Variants in KLHL17 observed in about 807,000 individuals in gnomAD.
KLHL17 encodes kelch-like protein 17.
KLHL17 carries 71 observed loss-of-function variants against 64.6 expected under a neutral mutation model. The ratio of observed to expected loss-of-function variants is 1.10; its 90% confidence interval spans 0.91 to 1.34. The LOEUF (loss-of-function observed/expected upper bound fraction) is 1.34, where lower values mean the gene tolerates loss of function less well. KLHL17 is among the 40% of genes most tolerant of loss of function. The pLI is 0.00. For missense variants in KLHL17, 1,140 were observed against 935.0 expected (o/e 1.22, Z -2.86); for synonymous variants, 612 against 405.4 (o/e 1.51, Z -6.12).
rs1371704487 is a variant in KLHL17, at chr1:961,638, G to T, written c.377G>T (p.Ser126Ile). The change falls in exon 3 of 12, where the codon AGC (serine) becomes ATC (isoleucine). Residue 126 changes from serine (S) to isoleucine (I), a missense_variant. Ser to Ile is a moderately radical substitution (Grantham distance 142, BLOSUM62 -2). Transcript: ENST00000338591. Reference sequence around the variant, plus strand: ...CCCGCTGTCCCCGCAGATGAGATGAGCGAGAGCCGCCAGACCCACGTGACG... The same window carrying T: ...CCCGCTGTCCCCGCAGATGAGATGATCGAGAGCCGCCAGACCCACGTGACG... ...YFHAMFTNEM[S>I]ESRQTHVTLH... 6.2e-7 allele frequency: 1 copy of T among 1,612,726 alleles called. No homozygotes were observed. Among genetic ancestry groups the T allele is most frequent in the Non-Finnish European group, 8.5e-7 (1 of 1,179,870 alleles).
In KLHL17 at chr1:965,351, G is replaced by C; in HGVS notation, c.*160G>C. ...TAGTTATTTATCTTATTTATTGAGG[G>C]GTGAGGAGTGCCACGGCTGCCCGTT... On this transcript the variant is annotated 3_prime_UTR_variant, in exon 12 of 12. Coordinates refer to ENST00000338591, the MANE Select transcript of KLHL17 (RefSeq NM_198317.3). 1 of 635,904 alleles carries C rather than the reference G, an allele frequency of 1.6e-6. No homozygotes were observed. Among genetic ancestry groups the C allele is most frequent in the Non-Finnish European group, 2.7e-6 (1 of 374,270 alleles). The allele number at this position is 635,904 out of a possible 1,614,324, so 39.4% of individuals were successfully genotyped here.
intron 1 of KLHL17, 78 bp downstream of exon 1, chr1:960,878 G>A: frequency 1.1e-6 from 1 of 951,244 alleles, no homozygotes; most frequent in African/African-American, 1.8e-5. Context: ...GCTCGCAGAA[G>A]GGGCGGGGGC....
At position 961,955 on chromosome 1, in the gene KLHL17, A is replaced by G; in HGVS notation, c.619A>G (p.Ser207Gly). 6.2e-7 allele frequency: 1 copy of G among 1,612,886 alleles called. No individual in the cohort carries two copies. Among genetic ancestry groups the G allele is most frequent in the South Asian group, 1.1e-5 (1 of 91,078 alleles). The stretch of plus-strand genomic sequence containing the variant: ...GGGCTTTGCCGATGCGCACTCCTGC[A>G]GCGACCTGCTCAAGGCCGCCCACAG... ...IRGFADAHSC[S>G]DLLKAAHRYV... is the part of the protein sequence containing the mutation. Residue 207 changes from serine (S) to glycine (G), a missense_variant, in exon 4 of 12, where the codon AGC (serine) becomes GGC (glycine). Physicochemically the swap from Ser to Gly is moderately conservative, Grantham distance 56. Transcript: ENST00000338591.
At chr1:962,073 G>GCCCCCCCCCCCCCCCCCCCC in intron 4 of KLHL17, 26 bp downstream of exon 4, 1 of 1,559,852 alleles carries the variant, frequency 6.4e-7, no homozygotes. Flanking sequence ...CCCAGCCCTC[G>GCCCCCCCCCCCCCCCCCCCC]CCCCCCACCC....
rs1176103639 is a variant in KLHL17, at chr1:962,764, G to A, written c.889G>A (p.Ala297Thr). ...CGACTTCCTGCTGGGCCACGTGGAT[G>A]CCGAGAGCCTGGTGAGGCACCACCC... ...SRDFLLGHVD[A>T]ESLVRHHPDC... Residue 297 changes from alanine (A) to threonine (T), a missense_variant, in exon 6 of 12, where the codon GCC becomes ACC. Transcript: ENST00000338591. The A allele has an allele frequency of 1.2e-6, 2 of 1,611,070 alleles. No homozygotes were observed. Among genetic ancestry groups the A allele is most frequent in the Non-Finnish European group, 1.7e-6 (2 of 1,179,734 alleles).
intron 4 of KLHL17, 89 bp downstream of exon 4, chr1:962,136 C>T: frequency 5.3e-6 from 7 of 1,309,324 alleles, no homozygotes; most frequent in Middle Eastern, 1.8e-4. Flanking sequence ...GTTCCTGACA[C>T]AGCCCTGCCC....
At position 962,805 on chromosome 1, in the gene KLHL17, C is replaced by T. The variant is rs143001312; in HGVS notation, c.930C>T (p.Leu310=). 8.7e-6 allele frequency: 14 copies of T among 1,610,040 alleles called. No homozygotes were observed. In the African/African-American group the frequency reaches 9.3e-5, roughly 11 times the overall value. ...GGCACCACCCTGACTGCAAGGACCTCCTCATCGAGGCCCTGAAGTTCCACC... is the reference window on the plus strand; with the variant it reads ...GGCACCACCCTGACTGCAAGGACCTTCTCATCGAGGCCCTGAAGTTCCACC... The part of the protein sequence containing the change: ...LVRHHPDCKD[L]LIEALKFHLL... Residue 310 remains leucine, a synonymous_variant, in exon 6 of 12, where the codon CTC becomes CTT. Transcript: ENST00000338591.
chr1:962,224 G>T, intron 4 of KLHL17, 131 bp from the exon 5 acceptor site: 1 of 1,469,302 alleles, frequency 6.8e-7, no homozygotes, highest in Non-Finnish European at 9.4e-7. Context: ...TGTGGCTCCT[G>T]ACTCTGCTCG....
chr1:964,433 G>A lies in KLHL17; in HGVS notation c.1603G>A (p.Ala535Thr), dbSNP rs1027375196. The change falls in exon 11 of 12, where the codon GCA becomes ACA. Residue 535 changes from alanine (A) to threonine (T), a missense_variant. Ala to Thr is a moderately conservative substitution (Grantham distance 58). Coordinates refer to ENST00000338591, the MANE Select transcript of KLHL17 (RefSeq NM_198317.3). Reference protein sequence around the residue: ...VAVLEGALYVAGGNDGTSCLN... With the variant: ...VAVLEGALYVTGGNDGTSCLN... ...CGTGCTGGAGGGTGCCCTGTACGTG[G>A]CAGGGGGCAACGACGGCACCAGCTG... 5 of 1,549,560 alleles carry A rather than the reference G, an allele frequency of 3.2e-6. No individual in the cohort carries two copies. The highest frequency in any genetic ancestry group is 2.4e-5 in the East Asian group (1 of 41,016).
chr1:961,311 G>A lies in KLHL17; in HGVS notation c.126G>A (p.Thr42=). Residue 42 remains threonine, a synonymous_variant, in exon 2 of 12, where the codon ACG becomes ACA. Coordinates refer to ENST00000338591, the MANE Select transcript of KLHL17 (RefSeq NM_198317.3). ...PQPPAPEAER[T]RPRQARPAAP... is the part of the protein sequence containing the mutation. ...CCTGCAGCCCCGAGGCAGAGCGCAC[G>A]CGGCCCCGGCAGGCTCGGCCCGCAG... 6.6e-7 allele frequency: 1 copy of A among 1,522,286 alleles called. No homozygotes were observed. The highest frequency in any genetic ancestry group is 8.8e-7 in the Non-Finnish European group (1 of 1,141,676). The allele number at this position is 1,522,286 out of a possible 1,614,324, so 94.3% of individuals were successfully genotyped here.
intron 9 of KLHL17, 24 bp from the exon 10 acceptor site, chr1:964,083 C>T (rs1228949335): frequency 1.2e-6 from 2 of 1,612,418 alleles, no homozygotes; most frequent in African/African-American, 1.3e-5. Context: ...GCAGGAGTGC[C>T]ACGGGTGTGT....
At chr1:962,635 G>A (rs1257457840) in intron 5 of KLHL17, 69 bp from the exon 6 acceptor site, 1 of 1,529,756 alleles carries the variant, frequency 6.5e-7, no homozygotes, top group Non-Finnish European at 8.7e-7. Context: ...GCATCTGGGG[G>A]GTTGTCTCAG....
Position 965,155 on chromosome 1 carries a change from C to T in KLHL17, c.1893C>T (p.Ser631=). Reference sequence around the variant, plus strand: ...AGCTGCTCAATTTCCCGCCGCCATCCTCCCCGACGCTGTCCGTGTCCTCCA... The same window carrying T: ...AGCTGCTCAATTTCCCGCCGCCATCTTCCCCGACGCTGTCCGTGTCCTCCA... The part of the protein sequence containing the change: ...VLELLNFPPP[S]SPTLSVSSTS... The change falls in exon 12 of 12, where the codon TCC becomes TCT. Residue 631 remains serine, a synonymous_variant. Transcript: ENST00000338591. 2 of 1,612,536 alleles carry T rather than the reference C, an allele frequency of 1.2e-6. No individual in the cohort carries two copies. Among genetic ancestry groups the T allele is most frequent in the South Asian group, 1.1e-5 (1 of 91,082 alleles).
At chr1:963,286 G>C (rs1642743800) in intron 7 of KLHL17, 33 bp downstream of exon 7, 6 of 1,600,072 alleles carry the variant, frequency 3.7e-6, no homozygotes, top group Non-Finnish European at 4.3e-6. Flanking sequence ...GGTCGGGTCT[G>C]GCACGTGCCC....
At position 963,631 on chromosome 1, in the gene KLHL17, A is replaced by G. The variant is rs1459201660; in HGVS notation, c.1355+127A>G. On this transcript the variant is annotated intron_variant, in intron 8 of 11. Coordinates refer to ENST00000338591, the MANE Select transcript of KLHL17 (RefSeq NM_198317.3). ...GTGATCCGCGAGGCCGTTTCACCCC[A>G]GGCCACTGCCACACTGGGCCTGAAC... 2.7e-6 allele frequency: 3 copies of G among 1,129,818 alleles called. 1 individual carries two copies. The highest frequency in any genetic ancestry group is 3.1e-5 in the African/African-American group (2 of 63,870). The allele number at this position is 1,129,818 out of a possible 1,614,324, so 70.0% of individuals were successfully genotyped here.
chr1:963,134 C>G lies in KLHL17; in HGVS notation c.1068C>G (p.His356Gln). 2 of 1,612,030 alleles carry G rather than the reference C, an allele frequency of 1.2e-6. No homozygotes were observed. Among genetic ancestry groups the G allele is most frequent in the Non-Finnish European group, 1.7e-6 (2 of 1,179,570 alleles). The change falls in exon 7 of 12, where the codon CAC (histidine) becomes CAG (glutamine). Residue 356 changes from histidine (H) to glutamine (Q), a missense_variant. Physicochemically the swap from His to Gln is conservative, Grantham distance 24 (BLOSUM62 0). Coordinates refer to ENST00000338591, the MANE Select transcript of KLHL17 (RefSeq NM_198317.3). ...AVGGGSLFAI[H>Q]GDCEAYDTRT... ...GCGGCGGGAGCCTGTTTGCCATCCA[C>G]GGAGACTGTGAGGCCTACGACACGC...
At position 963,907 on chromosome 1, in the gene KLHL17, C is replaced by T; in HGVS notation, c.1356-13C>T. 2.5e-6 allele frequency: 4 copies of T among 1,611,726 alleles called. No individual in the cohort carries two copies. Among genetic ancestry groups the T allele is most frequent in the Non-Finnish European group, 3.4e-6 (4 of 1,179,530 alleles). On this transcript the variant is annotated splice_polypyrimidine_tract_variant and intron_variant, in intron 8 of 11. Transcript: ENST00000338591. ...TCTCTGCTGAGCTGTGGCTGCGGTC[C>T]TGGTGCCCACAGTGCTGAACGCTAC...
rs1443909264 is a variant in KLHL17 at position 961,563 on chromosome 1, G to C, written c.367+11G>C. ...ACGCCATGTTCACAAGCAAGTACCCGCCTGGGCGGCGCTGGGGGCTCCGTG... is the reference window on the plus strand; with the variant it reads ...ACGCCATGTTCACAAGCAAGTACCCCCCTGGGCGGCGCTGGGGGCTCCGTG... On this transcript the variant is annotated intron_variant, in intron 2 of 11. Coordinates refer to ENST00000338591, the MANE Select transcript of KLHL17 (RefSeq NM_198317.3). 7.4e-6 allele frequency: 12 copies of C among 1,612,570 alleles called. No individual in the cohort carries two copies. In the East Asian group the frequency reaches 2.5e-4, roughly 33 times the overall value.
At position 962,718 on chromosome 1, in the gene KLHL17, G is replaced by A; in HGVS notation, c.843G>A (p.Val281=). The change falls in exon 6 of 12, where the codon GTG becomes GTA. Residue 281 remains valine, a synonymous_variant. Transcript: ENST00000338591. ...RQHVPRLMKC[V]RLPLLSRDFL... Reference sequence around the variant, plus strand: ...CTGCACCCCAGCTCATGAAGTGTGTGCGGCTGCCCTTGCTGAGCCGCGACT... The same window carrying A: ...CTGCACCCCAGCTCATGAAGTGTGTACGGCTGCCCTTGCTGAGCCGCGACT... 10 of 1,603,090 alleles carry A rather than the reference G, an allele frequency of 6.2e-6. No individual in the cohort carries two copies. Among genetic ancestry groups the A allele is most frequent in the South Asian group, 1.1e-5 (1 of 90,072 alleles).
Sources: allele counts gnomAD v4.1 joint callset, GRCh38; gene constraint gnomAD v4.1.1; transcripts MANE v1.5; gene names NCBI Gene and HGNC (gene_info 2026-07-23, HGNC 2026-07-21).